ROCK2: variants seen among roughly 807,000 people sequenced by gnomAD.
ROCK2 encodes rho-associated protein kinase 2.
Under a neutral mutation model 195.1 loss-of-function variants are expected in ROCK2, and 61 were observed. The ratio of observed to expected loss-of-function variants is 0.31; its 90% CI spans 0.25 to 0.39. The LOEUF is 0.39. ROCK2 is among the 10% of genes least tolerant of loss of function. ROCK2 has a pLI of 1.00. For missense variants in ROCK2, 1,109 were observed against 1,637.4 expected (o/e 0.68, Z 5.57); for synonymous variants, 504 against 545.5 (o/e 0.92, Z 1.06).
chr2:11,263,083 C>G (rs1006865264), intron 3 of ROCK2, among the ~76,000 whole-genome samples: 1 of 151,976 alleles, frequency 6.6e-6, no homozygotes, highest in East Asian at 1.9e-4. Flanking sequence ...TAGAAATAAC[C>G]CTGTAAACAG....
intron 1 of ROCK2, among the ~76,000 whole-genome samples, chr2:11,313,271 C>T (rs751687451): frequency 4.2e-4 from 64 of 151,962 alleles, no homozygotes; most frequent in African/African-American, 1.4e-3. Context: ...TTTCTGTAAA[C>T]CTACAACTGT....
rs1474923753 is a variant in ROCK2 at position 11,319,464 on chromosome 2, T to C, written c.141+24532A>G. 2.0e-5 allele frequency among the ~76,000 whole-genome samples: 3 copies of C among 152,172 alleles called. 1 individual carries two copies. Among genetic ancestry groups the C allele is most frequent in the African/African-American group, 7.2e-5 (3 of 41,412 alleles). On this transcript the variant is annotated intron_variant, in intron 1 of 32. Transcript: ENST00000315872. ...CACATTGATTTTGTATCCTGAGACT[T>C]TGCTGAAGTTGCTTATCAGCTTAAG...
chr2:11,289,392 A>T, intron 1 of ROCK2, among the ~76,000 whole-genome samples: 1 of 152,338 alleles, frequency 6.6e-6, no homozygotes, highest in South Asian at 2.1e-4. Flanking sequence ...ATATTTCAGT[A>T]AGTTTAAAAT....
intron 4 of ROCK2, among the ~76,000 whole-genome samples, chr2:11,246,451 AC>A (rs1012086337): frequency 2.6e-5 from 4 of 152,286 alleles, no homozygotes; most frequent in Admixed American, 6.5e-5. Context: ...TGATAAAACT[AC>A]AAAGGAAAGC....
Position 11,198,566 on chromosome 2 carries a change from A to G in ROCK2, c.3024T>C (p.Asp1008=), listed in dbSNP as rs538980636. The change falls in exon 25 of 33, where the codon GAT becomes GAC. Residue 1008 remains aspartate (D), a synonymous_variant. Coordinates refer to ENST00000315872, the MANE Select transcript of ROCK2 (RefSeq NM_004850.5). ...TAATAGCTGCTGCGCTTATTTCTTC[A>G]TCTTTCAATCTTGACAGTTCTGAAA... is the stretch of plus-strand genomic sequence containing the variant. The part of the protein sequence containing the change: ...DVQEQLSRLK[D]EEISAAAIKA... 1 of 1,613,332 alleles carries G rather than the reference A, an allele frequency of 6.2e-7. No individual in the cohort carries two copies. Among genetic ancestry groups the G allele is most frequent in the East Asian group, 2.2e-5 (1 of 44,776 alleles).
intron 1 of ROCK2, among the ~76,000 whole-genome samples, chr2:11,320,631 A>G (rs1485688196): frequency 6.6e-6 from 1 of 152,236 alleles, no homozygotes; most frequent in East Asian, 1.9e-4. Flanking sequence ...AAATATCTAG[A>G]ATCTACCCCT....
intron 23 of ROCK2, among the ~76,000 whole-genome samples, chr2:11,199,654 T>C (rs1663781830): frequency 1.3e-5 from 2 of 152,166 alleles, no homozygotes; most frequent in South Asian, 4.1e-4. Flanking sequence ...TTACTGAATT[T>C]ATCTTTCTGT....
intron 5 of ROCK2, among the ~76,000 whole-genome samples, chr2:11,230,853 T>C (rs1023411000): frequency 1.3e-5 from 2 of 152,040 alleles, no homozygotes; most frequent in Admixed American, 1.3e-4. Context: ...CCTATAAAGG[T>C]GGAAAAAAAA....
intron 1 of ROCK2, among the ~76,000 whole-genome samples, chr2:11,312,613 A>T (rs186765326): frequency 1.8e-3 from 267 of 152,264 alleles, no homozygotes; most frequent in Non-Finnish European, 3.0e-3. Context: ...TCCATGTATT[A>T]ATAATGCATT....
At chr2:11,217,041 T>C (rs376466893) in intron 12 of ROCK2, 49 bp downstream of exon 12, 330 of 1,009,766 alleles carry the variant, frequency 3.3e-4, no homozygotes, top group Non-Finnish European at 4.5e-4. Flanking sequence ...TCAGTAAATG[T>C]TTAAACTTAA....
At chr2:11,283,217 T>C (rs903099688) in intron 3 of ROCK2, among the ~76,000 whole-genome samples, 12 of 143,968 alleles carry the variant, frequency 8.3e-5, no homozygotes, top group African/African-American at 3.2e-4. Flanking sequence ...GCAGTAAGCC[T>C]AGATAGCGCC....
intron 4 of ROCK2, among the ~76,000 whole-genome samples, chr2:11,238,796 A>T (rs550397514): frequency 3.3e-5 from 5 of 152,186 alleles, no homozygotes; most frequent in Non-Finnish European, 7.4e-5. Context: ...ACAGTGAGTT[A>T]CAATTGCACC....
At position 11,273,224 on chromosome 2, in the gene ROCK2, T is replaced by C. The variant is rs180991240; in HGVS notation, c.324+13315A>G. 3.2e-3 allele frequency among the ~76,000 whole-genome samples: 486 copies of C among 150,760 alleles called. 4 individuals carry two copies. Among genetic ancestry groups the C allele is most frequent in the African/African-American group, 0.011 (454 of 41,064 alleles). On this transcript the variant is annotated intron_variant, in intron 3 of 32. Transcript: ENST00000315872. ...AAACTCTCCAATCAAAAGACAGAGA[T>C]TGGCAGAATGAATTAAAAAAAAGAT... is the stretch of plus-strand genomic sequence containing the variant.
chr2:11,290,298 TTTTC>T (rs1397999764), intron 1 of ROCK2, among the ~76,000 whole-genome samples: 4 of 152,150 alleles, frequency 2.6e-5, no homozygotes, highest in Admixed American at 2.6e-4. Context: ...ACTGTGATTA[TTTTC>T]TTTAAGTGAC....
chr2:11,296,005 G>GGGGGGAGAGA (rs766082679), intron 1 of ROCK2, among the ~76,000 whole-genome samples: 2 of 10,342 alleles, frequency 1.9e-4, no homozygotes, highest in African/African-American at 4.0e-4. Flanking sequence ...GAGAGAGAGA[G>GGGGGGAGAGA]GAGAGAGAGA....
chr2:11,283,300 C>T (rs1667073120), intron 3 of ROCK2, among the ~76,000 whole-genome samples: 1 of 150,936 alleles, frequency 6.6e-6, no homozygotes, highest in South Asian at 2.1e-4. Context: ...GTGGCTCACG[C>T]CTGTAATCCC....
At chr2:11,249,171 C>A (rs1665739026) in intron 4 of ROCK2, among the ~76,000 whole-genome samples, 1 of 152,162 alleles carries the variant, frequency 6.6e-6, no homozygotes, top group South Asian at 2.1e-4. Flanking sequence ...GCTGGGATTA[C>A]AGGTGTGAGC....
chr2:11,301,795 AAAT>A (rs1234680800), intron 1 of ROCK2, among the ~76,000 whole-genome samples: 1 of 151,506 alleles, frequency 6.6e-6, no homozygotes, highest in South Asian at 2.1e-4. Flanking sequence ...AAAAAAAAAA[AAAT>A]CTTACCTACT....
At chr2:11,265,064 G>A (rs1172860684) in intron 3 of ROCK2, among the ~76,000 whole-genome samples, 17 of 152,044 alleles carry the variant, frequency 1.1e-4, no homozygotes, top group Non-Finnish European at 1.0e-4. Flanking sequence ...TTTCCCATCT[G>A]TACAATGGGC....
Sources: allele counts gnomAD v4.1 joint callset (sites outside exome capture counted in the v4.1 genomes callset), GRCh38; gene constraint gnomAD v4.1.1; transcripts MANE v1.5; gene names NCBI Gene and HGNC (gene_info 2026-07-23, HGNC 2026-07-21).